The following ADGRV1 variants were observed in gnomAD, a reference collection of about 807,000 sequenced individuals.
The protein encoded by ADGRV1 is adhesion G protein-coupled receptor V1, also known as G-protein coupled receptor 98.
A neutral mutation model predicts 596.2 loss-of-function variants in ADGRV1; 359 were observed. The ratio of observed to expected loss-of-function variants is 0.60; its 90% CI spans 0.55 to 0.66. The LOEUF (loss-of-function observed/expected upper bound fraction) is 0.66. Among genes scored for constraint, ADGRV1 ranks in the 30% least tolerant of loss-of-function variants. The pLI, the probability that ADGRV1 is intolerant of heterozygous loss-of-function variation, is 0.00. For synonymous variants in ADGRV1, 2,681 were observed against 2,679.2 expected (o/e 1.00, Z -0.02); for missense variants, 7,274 against 7,575.6 (o/e 0.96, Z 1.48).
intron 85 of ADGRV1, among the ~76,000 whole-genome samples, chr5:91,070,402 T>C (rs1788283303): frequency 6.6e-6 from 1 of 152,226 alleles, no homozygotes; most frequent in African/African-American, 2.4e-5. Flanking sequence ...CTAGTGTTTA[T>C]GGCTGTATCA....
chr5:90,913,960 C>T (rs1257433566), intron 83 of ADGRV1, among the ~76,000 whole-genome samples: 3 of 152,124 alleles, frequency 2.0e-5, no homozygotes, highest in African/African-American at 7.2e-5. Flanking sequence ...ATTTTAAAGA[C>T]TTAATAAGCC....
intron 38 of ADGRV1, among the ~76,000 whole-genome samples, chr5:90,707,134 G>A (rs1441643956): frequency 6.6e-6 from 1 of 152,060 alleles, no homozygotes; most frequent in Non-Finnish European, 1.5e-5. Flanking sequence ...ACTCACCAGA[G>A]GCAGATGGCA....
Position 90,949,119 on chromosome 5 carries a change from G to A in ADGRV1, c.17857-16296G>A, listed in dbSNP as rs142290581. ...TCACAGATACTTGTTAAGAGAAACC[G>A]GGCAGGAAATAGCACATACTACATG... On this transcript the variant is annotated intron_variant, in intron 83 of 89. Coordinates refer to ENST00000405460, the MANE Select transcript of ADGRV1 (RefSeq NM_032119.4). Among the ~76,000 whole-genome samples the A allele has an allele frequency of 4.9e-3, 745 of 152,158 alleles. 6 individuals carry two copies. Among genetic ancestry groups the A allele is most frequent in the African/African-American group, 0.016 (678 of 41,530 alleles).
intron 83 of ADGRV1, among the ~76,000 whole-genome samples, chr5:90,941,429 G>A (rs1362863828): frequency 6.6e-6 from 1 of 152,136 alleles, no homozygotes; most frequent in Non-Finnish European, 1.5e-5. Flanking sequence ...AAATTGAGTG[G>A]GCAAGAAGGT....
At chr5:90,696,314 T>G (rs1747189253) in intron 33 of ADGRV1, among the ~76,000 whole-genome samples, 1 of 152,154 alleles carries the variant, frequency 6.6e-6, no homozygotes, top group African/African-American at 2.4e-5. Context: ...ACTTGTCCCT[T>G]TGAGTTCCTC....
chr5:90,847,661 C>T (rs1035194391), intron 78 of ADGRV1, among the ~76,000 whole-genome samples: 2 of 152,186 alleles, frequency 1.3e-5, no homozygotes, highest in East Asian at 1.9e-4. Flanking sequence ...AGCCCTGCCC[C>T]GCAGGGAGGC....
intron 77 of ADGRV1, among the ~76,000 whole-genome samples, chr5:90,829,700 G>A (rs958637002): frequency 6.6e-6 from 1 of 152,172 alleles, no homozygotes; most frequent in African/African-American, 2.4e-5. Context: ...TGGGGACTCA[G>A]AAGATCAATG....
rs200854813 is a variant in ADGRV1 at position 90,684,007 on chromosome 5, C to T, written c.6086C>T (p.Pro2029Leu). 9.6e-5 allele frequency: 155 copies of T among 1,613,768 alleles called. No homozygotes were observed. In the African/African-American group the frequency reaches 2.0e-3, roughly 21 times the overall value. ...ATGGAAAAACCACCTTATTTTCCAC[C>T]TAATTTAGCGAGAGCAACTCAAGGA... The part of the protein sequence containing the change: ...DDMEKPPYFP[P>L]NLARATQGRD... The change falls in exon 28 of 90, where the codon CCT (proline) becomes CTT (leucine). Residue 2029 changes from proline to leucine, a missense_variant. By Grantham distance (98) the Pro-to-Leu change is moderately conservative. This residue lies in a region of ADGRV1 where 3,643 missense variants were observed against 3,809.2 expected (regional missense o/e 0.96). Transcript: ENST00000405460.
At chr5:90,560,419 T>C (rs917326723) in intron 1 of ADGRV1, among the ~76,000 whole-genome samples, 1 of 152,104 alleles carries the variant, frequency 6.6e-6, no homozygotes, top group Non-Finnish European at 1.5e-5. Flanking sequence ...GGTTATCTTA[T>C]TTAACACAAT....
rs1455928793 is a variant in ADGRV1, at chr5:91,102,403, T to C, written c.18432+63T>C. On this transcript the variant is annotated intron_variant, in intron 87 of 89. Transcript: ENST00000405460. ...ATCTTAATGAACACAAGGCATAGAA[T>C]TTCAATATTAAAGAGTCAAGCATCC... The C allele has an allele frequency of 7.7e-6, 11 of 1,426,960 alleles. No homozygotes were observed. In the South Asian group the frequency reaches 1.0e-4, roughly 13 times the overall value. 88.4% of individuals were successfully genotyped at this position (1,426,960 alleles called of 1,614,324 possible).
intron 85 of ADGRV1, among the ~76,000 whole-genome samples, chr5:91,065,659 C>T (rs372143046): frequency 6.6e-6 from 1 of 152,072 alleles, no homozygotes; most frequent in Non-Finnish European, 1.5e-5. Context: ...TACTCCATGC[C>T]GCCCACATAA....
chr5:90,913,851 A>G (rs1773115311), intron 83 of ADGRV1, among the ~76,000 whole-genome samples: 1 of 152,190 alleles, frequency 6.6e-6, no homozygotes, highest in Non-Finnish European at 1.5e-5. Flanking sequence ...AATATCTATA[A>G]TTAGTTGCTC....
chr5:90,668,643 G>T (rs539951690), intron 21 of ADGRV1, among the ~76,000 whole-genome samples: 2 of 151,910 alleles, frequency 1.3e-5, no homozygotes, highest in South Asian at 2.1e-4. Flanking sequence ...CCCCCTGGTA[G>T]TTTTTTTTAA....
intron 85 of ADGRV1, among the ~76,000 whole-genome samples, chr5:91,014,136 C>CCCCACACACACACA (rs757029909): frequency 4.2e-4 from 15 of 35,698 alleles, no homozygotes; most frequent in East Asian, 1.4e-3. Flanking sequence ...TTCACAATTG[C>CCCCACACACACACA]CACACACACA....
At position 90,811,113 on chromosome 5, in the gene ADGRV1, C is replaced by G. The variant is rs1762402997; in HGVS notation, c.15853C>G (p.Leu5285Val). The G allele has an allele frequency of 1.2e-6, 2 of 1,613,748 alleles. No homozygotes were observed. Residue 5285 changes from leucine (L) to valine (V), a missense_variant, in exon 74 of 90, where the codon CTA becomes GTA. Around this residue, in one of 5 missense-constraint regions of ADGRV1, gnomAD observed 1,874 missense variants for 1,970.2 expected, o/e 0.95. Transcript: ENST00000405460. ...TCGTGGTATCTATGGGATTTCCAAC[C>G]TAACATGGGCAGTTGAAGAAGAAGA... ...PFRGIYGISN[L>V]TWAVEEEDFE...
intron 75 of ADGRV1, among the ~76,000 whole-genome samples, chr5:90,817,994 T>C (rs1482667051): frequency 6.6e-6 from 1 of 152,120 alleles, no homozygotes; most frequent in African/African-American, 2.4e-5. Flanking sequence ...AATCTGTAAA[T>C]TACCTTGGGC....
chr5:90,808,575 T>A (rs941096091), intron 73 of ADGRV1, among the ~76,000 whole-genome samples: 35 of 152,172 alleles, frequency 2.3e-4, no homozygotes, highest in African/African-American at 7.7e-4. Context: ...TCAAATGCTT[T>A]AACAGCAACA....
chr5:90,936,418 G>C (rs1775693371), intron 83 of ADGRV1, among the ~76,000 whole-genome samples: 1 of 151,798 alleles, frequency 6.6e-6, no homozygotes, highest in Non-Finnish European at 1.5e-5. Context: ...GACATCAATT[G>C]AATCTATAAA....
At chr5:91,074,819 G>A (rs539481558) in intron 86 of ADGRV1, among the ~76,000 whole-genome samples, 23 of 152,138 alleles carry the variant, frequency 1.5e-4, no homozygotes, top group East Asian at 3.9e-4. Context: ...TTCCCTTTTC[G>A]CTACAGCCTT....
Sources: allele counts gnomAD v4.1 joint callset (sites outside exome capture counted in the v4.1 genomes callset), GRCh38; gene constraint gnomAD v4.1.1; regional missense constraint gnomAD v4.1.1; transcripts MANE v1.5; gene names NCBI Gene and HGNC (gene_info 2026-07-23, HGNC 2026-07-21).